Variants in CADM2 observed in about 807,000 individuals in gnomAD.
The protein encoded by CADM2 is immunoglobulin superfamily member 4D.
A neutral mutation model predicts 49.8 loss-of-function variants in CADM2; 12 were observed. The observed-to-expected ratio is 0.24, with a 90% CI of 0.15 to 0.39. The LOEUF is 0.39. CADM2 is among the 10% of genes least tolerant of loss of function. The pLI, the probability that CADM2 is intolerant of heterozygous loss-of-function variation, is 1.00. For synonymous variants in CADM2, 214 were observed against 175.4 expected, an observed-to-expected ratio of 1.22 and a Z score of -1.74; for missense variants, 378 against 492.3, an observed-to-expected ratio of 0.77 and a Z score of 2.20.
At chr3:85,804,650 C>T (rs2072286815) in intron 3 of CADM2, among the ~76,000 whole-genome samples, 1 of 152,124 alleles carries the variant, frequency 6.6e-6, no homozygotes, top group Non-Finnish European at 1.5e-5. Flanking sequence ...GCCCTTGCCT[C>T]CACTTTTAGT....
At chr3:85,405,134 A>G (rs2035308636) in intron 1 of CADM2, among the ~76,000 whole-genome samples, 1 of 152,070 alleles carries the variant, frequency 6.6e-6, no homozygotes, top group Admixed American at 6.6e-5. Flanking sequence ...AAAGTTAGCT[A>G]TTTGGGGTAA....
chr3:85,509,642 A>G (rs1285628688), intron 1 of CADM2, among the ~76,000 whole-genome samples: 1 of 152,114 alleles, frequency 6.6e-6, no homozygotes, highest in Non-Finnish European at 1.5e-5. Context: ...ATTAAAAGTG[A>G]TGGTTTGTTA....
intron 1 of CADM2, among the ~76,000 whole-genome samples, chr3:85,294,344 C>A (rs913710204): frequency 1.3e-5 from 2 of 152,094 alleles, no homozygotes; most frequent in South Asian, 4.2e-4. Context: ...GAATCAATAT[C>A]GTGAAAATGG....
At chr3:85,989,104 C>G (rs1336701355) in intron 8 of CADM2, among the ~76,000 whole-genome samples, 1 of 151,882 alleles carries the variant, frequency 6.6e-6, no homozygotes, top group African/African-American at 2.4e-5. Context: ...AATTTTAAGC[C>G]CCATTCCTCC....
chr3:86,005,590 A>C (rs1057018700), intron 8 of CADM2, among the ~76,000 whole-genome samples: 41 of 151,966 alleles, frequency 2.7e-4, no homozygotes, highest in African/African-American at 8.7e-4. Context: ...TAATAGGTGT[A>C]TATATTTATG....
At chr3:85,547,900 G>A (rs1387088140) in intron 1 of CADM2, among the ~76,000 whole-genome samples, 1 of 152,144 alleles carries the variant, frequency 6.6e-6, no homozygotes, top group Admixed American at 6.5e-5. Context: ...GCCACTGTAG[G>A]TGAGCTAACC....
At chr3:85,741,130 C>T (rs2068365582) in intron 2 of CADM2, among the ~76,000 whole-genome samples, 1 of 152,112 alleles carries the variant, frequency 6.6e-6, no homozygotes, top group Non-Finnish European at 1.5e-5. Context: ...AATAGAACTC[C>T]AGGCAAAGAA....
chr3:85,997,786 A>G (rs1729613134), intron 8 of CADM2, among the ~76,000 whole-genome samples: 1 of 152,194 alleles, frequency 6.6e-6, no homozygotes, highest in Admixed American at 6.5e-5. Context: ...CTAGAAATGC[A>G]AGCTGACTTT....
chr3:85,727,439 A>G (rs2067748341), intron 2 of CADM2, among the ~76,000 whole-genome samples: 1 of 152,136 alleles, frequency 6.6e-6, no homozygotes, highest in Non-Finnish European at 1.5e-5. Flanking sequence ...TATTTAAAGG[A>G]GGAGATGGCA....
chr3:85,021,157 G>A (rs75055954), intron 1 of CADM2, among the ~76,000 whole-genome samples: 6,416 of 148,072 alleles, frequency 0.043, 177 homozygotes, highest in African/African-American at 0.067. Context: ...GAAAAAAAGA[G>A]AAGAAAAGAA....
In CADM2 at chr3:86,067,026, A is replaced by G. The variant is rs942805392; in HGVS notation, c.*243A>G. 2 of 477,884 alleles carry G rather than the reference A, an allele frequency of 4.2e-6. No homozygotes were observed. The highest frequency in any genetic ancestry group is 7.6e-6 in the Non-Finnish European group (2 of 264,880). 29.6% of individuals were successfully genotyped at this position (477,884 alleles called of 1,614,324 possible). ...TTTCACACCATTGCTCTTTTAACAT[A>G]CAGTGCTTGAATATACAGCCTTAAC... On this transcript the variant is annotated 3_prime_UTR_variant, in exon 10 of 10. Coordinates refer to ENST00000383699, the MANE Select transcript of CADM2 (RefSeq NM_001167675.2).
intron 1 of CADM2, among the ~76,000 whole-genome samples, chr3:85,599,145 T>C (rs1232361026): frequency 1.3e-5 from 2 of 152,006 alleles, no homozygotes; most frequent in Non-Finnish European, 2.9e-5. Context: ...AGATACCTGG[T>C]TTCTTATCCA....
chr3:85,002,064 A>G (rs1387339854), intron 1 of CADM2, among the ~76,000 whole-genome samples: 1 of 152,142 alleles, frequency 6.6e-6, no homozygotes, highest in Non-Finnish European at 1.5e-5. Flanking sequence ...TTATGATGTT[A>G]TATTATGTTA....
chr3:85,284,505 A>G (rs138602230), intron 1 of CADM2, among the ~76,000 whole-genome samples: 1 of 152,070 alleles, frequency 6.6e-6, no homozygotes, highest in Admixed American at 6.6e-5. Flanking sequence ...TCAATTTCAA[A>G]TAGTATGGTC....
At chr3:85,097,097 C>A (rs2037828256) in intron 1 of CADM2, among the ~76,000 whole-genome samples, 2 of 152,078 alleles carry the variant, frequency 1.3e-5, no homozygotes, top group African/African-American at 4.8e-5. Flanking sequence ...GTGCTGCACC[C>A]ATTAACTGGT....
intron 1 of CADM2, among the ~76,000 whole-genome samples, chr3:85,264,357 A>G (rs2043075961): frequency 6.6e-6 from 1 of 152,120 alleles, no homozygotes; most frequent in African/African-American, 2.4e-5. Flanking sequence ...TATTCCTTCC[A>G]TAGGTTATTG....
chr3:85,904,714 G>A (rs1716556836), intron 5 of CADM2, among the ~76,000 whole-genome samples: 1 of 152,150 alleles, frequency 6.6e-6, no homozygotes. Context: ...ATGATGTTCA[G>A]GAGTTGCCCC....
chr3:85,979,844 G>C (rs1211955725), intron 8 of CADM2, among the ~76,000 whole-genome samples: 7 of 151,510 alleles, frequency 4.6e-5, no homozygotes. Flanking sequence ...TCTACTAATA[G>C]AATGTTCTAA....
chr3:85,593,443 T>C (rs190894913), intron 1 of CADM2, among the ~76,000 whole-genome samples: 1 of 152,122 alleles, frequency 6.6e-6, no homozygotes. Flanking sequence ...AGATTATTAT[T>C]AGTACAGCAA....
Sources: allele counts gnomAD v4.1 joint callset (sites outside exome capture counted in the v4.1 genomes callset), GRCh38; gene constraint gnomAD v4.1.1; transcripts MANE v1.5; gene names NCBI Gene and HGNC (gene_info 2026-07-23, HGNC 2026-07-21).